AP1G1: variants seen among roughly 807,000 people sequenced by gnomAD.
AP1G1 encodes the protein AP-1 complex subunit gamma-1.
AP1G1 carries 7 observed loss-of-function variants against 108.3 expected under a neutral mutation model. That is an observed-to-expected ratio of 0.06 (90% confidence interval 0.04 to 0.12). The LOEUF is 0.12. Ranked by LOEUF, AP1G1 falls within the 10% of genes least tolerant of loss-of-function variation. The pLI is 1.00. For synonymous variants in AP1G1, 379 were observed against 353.5 expected (o/e 1.07, Z -0.81); for missense variants, 756 against 1,010.7 (o/e 0.75, Z 3.42).
intron 11 of AP1G1, among the ~76,000 whole-genome samples, chr16:71,757,308 G>A (rs1037186731): frequency 1.3e-5 from 2 of 151,894 alleles, no homozygotes; most frequent in African/African-American, 4.8e-5. Context: ...AAAATTAGCC[G>A]GGTGTGGTGG....
chr16:71,747,846 G>A (rs529082970), intron 16 of AP1G1, among the ~76,000 whole-genome samples: 3 of 152,174 alleles, frequency 2.0e-5, no homozygotes, highest in South Asian at 2.1e-4. Context: ...AGCCAGGCAC[G>A]ATGGTGTGCA....
intron 2 of AP1G1, among the ~76,000 whole-genome samples, chr16:71,787,760 G>T (rs1306061139): frequency 1.3e-5 from 2 of 152,114 alleles, no homozygotes; most frequent in Non-Finnish European, 2.9e-5. Flanking sequence ...TTTTGATGTG[G>T]TAAAGCTTAT....
chr16:71,771,755 T>C (rs1391723219), intron 4 of AP1G1, among the ~76,000 whole-genome samples: 3 of 152,206 alleles, frequency 2.0e-5, no homozygotes, highest in East Asian at 3.8e-4. Context: ...ACAATCTCAA[T>C]CTGTGATAAT....
rs751534655 is a variant in AP1G1 at position 71,729,641 on chromosome 16, C to G, written c.*3417G>C. ...AGTTCTACAAGCAGCCCCACTCTCC[C>G]GAGCCAAAGCTGGTCAAAAGTGTTT... On this transcript the variant is annotated 3_prime_UTR_variant, in exon 23 of 23. Coordinates refer to ENST00000299980, the MANE Select transcript of AP1G1 (RefSeq NM_001128.6). 1 of 152,530 alleles carries G rather than the reference C, an allele frequency of 6.6e-6. No individual in the cohort carries two copies. The highest frequency in any genetic ancestry group is 1.5e-5 in the Non-Finnish European group (1 of 68,036). The allele number at this position is 152,530 out of a possible 1,614,324, so 9.4% of individuals were successfully genotyped here.
intron 1 of AP1G1, among the ~76,000 whole-genome samples, chr16:71,800,105 C>T (rs2032733239): frequency 6.6e-6 from 1 of 151,486 alleles, no homozygotes; most frequent in African/African-American, 2.4e-5. Context: ...TGGCTCACGC[C>T]TGTAATCCCA....
At chr16:71,757,388 T>C (rs945753575) in intron 11 of AP1G1, among the ~76,000 whole-genome samples, 5 of 138,390 alleles carry the variant, frequency 3.6e-5, no homozygotes, top group African/African-American at 1.0e-4. Flanking sequence ...GAGACGGAAG[T>C]TGCAGTGAGC....
chr16:71,785,074 G>A (rs2032151332), intron 2 of AP1G1, among the ~76,000 whole-genome samples: 2 of 150,966 alleles, frequency 1.3e-5, no homozygotes, highest in African/African-American at 2.4e-5. Context: ...ATTATAATTA[G>A]GTATTTTACA....
chr16:71,793,125 C>T (rs1487160188), intron 1 of AP1G1, among the ~76,000 whole-genome samples: 1 of 152,114 alleles, frequency 6.6e-6, no homozygotes, highest in Non-Finnish European at 1.5e-5. Flanking sequence ...TGAGATCAGG[C>T]CACTGCACTC....
intron 2 of AP1G1, among the ~76,000 whole-genome samples, chr16:71,787,315 T>C (rs1303023772): frequency 1.9e-5 from 1 of 52,456 alleles, no homozygotes; most frequent in Non-Finnish European, 3.2e-5. Context: ...CGAGACTCTG[T>C]CTCAAAAAAA....
chr16:71,800,629 A>G (rs1304676689), intron 1 of AP1G1, among the ~76,000 whole-genome samples: 2 of 150,704 alleles, frequency 1.3e-5, no homozygotes, highest in Non-Finnish European at 1.5e-5. Flanking sequence ...GTGAAACCCC[A>G]TCTCTACTAA....
rs553766338 is a variant in AP1G1, at chr16:71,792,342, G to A, written c.-3-2860C>T. On this transcript the variant is annotated intron_variant, in intron 1 of 22. Coordinates refer to ENST00000299980, the MANE Select transcript of AP1G1 (RefSeq NM_001128.6). The stretch of plus-strand genomic sequence containing the variant: ...CTGGTAAAATCAGACTGAAAGAGAA[G>A]ATAATGCTTAACATATGTGGAGAAG... Among the ~76,000 whole-genome samples, 3 of 152,242 alleles carry A rather than the reference G, an allele frequency of 2.0e-5. No homozygotes were observed. The East Asian group carries it at 5.8e-4, about 29-fold the overall frequency.
intron 2 of AP1G1, among the ~76,000 whole-genome samples, chr16:71,778,976 A>G (rs1597073291): frequency 6.6e-6 from 1 of 152,118 alleles, no homozygotes; most frequent in African/African-American, 2.4e-5. Context: ...GACTTGAAAA[A>G]CCTACCTGAA....
rs2031692251 is a variant in AP1G1, at chr16:71,774,313, T to TGGGGGAGGACGGTGGC, written c.326+139_326+154dup. Reference sequence around the variant, plus strand: ...GAATCACTTCAACCAGACTGGCAGTTGGGGGAGGACGGTGGCAGCGGAGGA... The same window carrying TGGGGGAGGACGGTGGC: ...GAATCACTTCAACCAGACTGGCAGTTGGGGGAGGACGGTGGCGGGGGAGGACGGTGGCAGCGGAGGA... On this transcript the variant is annotated intron_variant, in intron 3 of 22. Transcript: ENST00000299980. 8 of 708,294 alleles carry TGGGGGAGGACGGTGGC rather than the reference T, an allele frequency of 1.1e-5. No individual in the cohort carries two copies. The East Asian group carries it at 2.6e-4, about 23-fold the overall frequency. The allele number at this position is 708,294 out of a possible 1,614,324, so 43.9% of individuals were successfully genotyped here.
intron 1 of AP1G1, among the ~76,000 whole-genome samples, chr16:71,796,516 TC>T (rs1383825234): frequency 2.0e-5 from 3 of 151,906 alleles, no homozygotes; most frequent in African/African-American, 4.8e-5. Context: ...GAAAAGCATA[TC>T]CCCCCCTTGT....
In AP1G1 at chr16:71,748,357, C is replaced by G; in HGVS notation, c.1519G>C (p.Asp507His). The change falls in exon 16 of 23, where the codon GAT (aspartate) becomes CAT (histidine). Residue 507 changes from aspartate (D) to histidine (H), a missense_variant. Around this residue, in one of 3 missense-constraint regions of AP1G1, gnomAD observed 357 missense variants for 366.5 expected, o/e 0.97. Transcript: ENST00000299980. ...GAGATTAGGACACTTTCTAAAATAT[C>G]CAACACTTCATCCTCTGTTACCTGA... ...PIQVTEDEVL[D>H]ILESVLISNM... 6.2e-7 allele frequency: 1 copy of G among 1,613,302 alleles called. No individual in the cohort carries two copies. Among genetic ancestry groups the G allele is most frequent in the South Asian group, 1.1e-5 (1 of 90,954 alleles).
rs1413867524 is a variant in AP1G1 at position 71,739,080 on chromosome 16, G to A, written c.2130C>T (p.Tyr710=). ...ATTCTATCTTCAAGCCATTCTTACT[G>A]TATGCTGTGATGGAGGGGATGCCTG... ...IAAGIPSITA[Y]SKNGLKIEFT... The change falls in exon 21 of 23, where the codon TAC becomes TAT. Residue 710 remains tyrosine (Y), a synonymous_variant. Transcript: ENST00000299980. The A allele has an allele frequency of 6.2e-7, 1 of 1,614,042 alleles. No homozygotes were observed.
At chr16:71,791,673 C>CA (rs59552791) in intron 1 of AP1G1, among the ~76,000 whole-genome samples, 44 of 90,244 alleles carry the variant, frequency 4.9e-4, no homozygotes, top group Admixed American at 9.0e-4. Flanking sequence ...GACCCTGTCT[C>CA]AAAAAAAAAA....
At chr16:71,783,064 A>G (rs2145510702) in intron 2 of AP1G1, among the ~76,000 whole-genome samples, 1 of 152,280 alleles carries the variant, frequency 6.6e-6, no homozygotes, top group South Asian at 2.1e-4. Flanking sequence ...AAGGAATAGT[A>G]CTAGCTTAAG....
intron 19 of AP1G1, among the ~76,000 whole-genome samples, chr16:71,744,025 A>T (rs1238082203): frequency 2.6e-5 from 4 of 151,780 alleles, no homozygotes; most frequent in African/African-American, 9.7e-5. Flanking sequence ...CAGGGGGATC[A>T]TGAGGTCAGG....
Sources: allele counts gnomAD v4.1 joint callset (sites outside exome capture counted in the v4.1 genomes callset), GRCh38; gene constraint gnomAD v4.1.1; regional missense constraint gnomAD v4.1.1; transcripts MANE v1.5; gene names NCBI Gene and HGNC (gene_info 2026-07-23, HGNC 2026-07-21).